Variants in PLBD2 observed in about 807,000 individuals in gnomAD.
PLBD2 encodes putative aminopeptidase PLBD2.
PLBD2 carries 51 observed loss-of-function variants against 68.3 expected under a neutral mutation model. That is an observed-to-expected ratio of 0.75 (90% CI 0.60 to 0.94). The LOEUF (loss-of-function observed/expected upper bound fraction) is 0.94, where lower values mean the gene tolerates loss of function less well. Ranked by LOEUF, PLBD2 falls within the 40% of genes least tolerant of loss-of-function variation. The probability of loss-of-function intolerance (pLI) is 0.00; values close to 1 mark genes in which losing one functional copy is unlikely to be tolerated. For synonymous variants in PLBD2, 314 were observed against 339.3 expected (o/e 0.93, Z 0.82); for missense variants, 729 against 792.2 (o/e 0.92, Z 0.96).
Position 113,388,665 on chromosome 12 carries a change from C to T in PLBD2, c.*39C>T, listed in dbSNP as rs896660220. 16 of 1,522,384 alleles carry T rather than the reference C, an allele frequency of 1.1e-5. No individual in the cohort carries two copies. Among genetic ancestry groups the T allele is most frequent in the Non-Finnish European group, 1.4e-5 (16 of 1,133,560 alleles). 94.3% of individuals were successfully genotyped at this position (1,522,384 alleles called of 1,614,324 possible). On this transcript the variant is annotated 3_prime_UTR_variant, in exon 12 of 12. Transcript: ENST00000280800. ...CTCTGCTGCTTTCGCCCCTGCTGACCCTCGTCAGGGTCACCCCCGTCCCAA... is the reference window on the plus strand; with the variant it reads ...CTCTGCTGCTTTCGCCCCTGCTGACTCTCGTCAGGGTCACCCCCGTCCCAA...
At chr12:113,382,835 T>TTTTTTTTTTGTGTGTGTGTGTGTG (rs1335785271) in intron 6 of PLBD2, among the ~76,000 whole-genome samples, 4 of 106,608 alleles carry the variant, frequency 3.8e-5, no homozygotes, top group African/African-American at 1.1e-4. Context: ...TGGTGGTTTT[T>TTTTTTTTTTGTGTGTGTGTGTGTG]TGTGTGTGTG....
chr12:113,362,292 A>C (rs367983428), intron 1 of PLBD2, among the ~76,000 whole-genome samples: 5 of 151,518 alleles, frequency 3.3e-5, no homozygotes, highest in Middle Eastern at 3.2e-3. Flanking sequence ...GTGCCACTGC[A>C]CTCCAGCCTG....
chr12:113,382,314 A>G (rs1957498508), intron 6 of PLBD2, among the ~76,000 whole-genome samples: 1 of 152,240 alleles, frequency 6.6e-6, no homozygotes, highest in South Asian at 2.1e-4. Flanking sequence ...TGCATGAATG[A>G]TACTTTAAGG....
Position 113,389,141 on chromosome 12 carries a change from C to G in PLBD2, c.*515C>G, listed in dbSNP as rs777357763. On this transcript the variant is annotated 3_prime_UTR_variant, in exon 12 of 12. Coordinates refer to ENST00000280800, the MANE Select transcript of PLBD2 (RefSeq NM_173542.4). ...CTGCTCCCTCAGGAAGCAGTCCCCT[C>G]GTCTCCCTTTCTGGGCAGCTTCCTT... 6.5e-6 allele frequency: 1 copy of G among 152,792 alleles called. No individual in the cohort carries two copies. The highest frequency in any genetic ancestry group is 6.5e-5 in the Admixed American group (1 of 15,292). The allele number at this position is 152,792 out of a possible 1,614,324, so 9.5% of individuals were successfully genotyped here.
At position 113,380,389 on chromosome 12, in the gene PLBD2, C is replaced by T. The variant is rs2136917762; in HGVS notation, c.860-356C>T. 1.3e-5 allele frequency among the ~76,000 whole-genome samples: 2 copies of T among 152,320 alleles called. 1 individual carries two copies. The highest frequency in any genetic ancestry group is 4.1e-4 in the South Asian group (2 of 4,826). On this transcript the variant is annotated intron_variant, in intron 5 of 11. Coordinates refer to ENST00000280800, the MANE Select transcript of PLBD2 (RefSeq NM_173542.4). ...TGACCTCGTGATCCGCCTGCCTTGGCCTCCCAAAGTGCAGGGATTACAGGT... is the reference window on the plus strand; with the variant it reads ...TGACCTCGTGATCCGCCTGCCTTGGTCTCCCAAAGTGCAGGGATTACAGGT...
chr12:113,373,753 A>T (rs577176076), intron 3 of PLBD2, among the ~76,000 whole-genome samples: 108 of 133,620 alleles, frequency 8.1e-4, no homozygotes, highest in African/African-American at 2.8e-3. Flanking sequence ...CTACATATCT[A>T]TCCATTCGCT....
intron 9 of PLBD2, among the ~76,000 whole-genome samples, chr12:113,385,549 G>A (rs1259351021): frequency 6.6e-6 from 1 of 152,194 alleles, no homozygotes; most frequent in African/African-American, 2.4e-5. Context: ...GTCTCTGACT[G>A]GATCTGCCTT....
rs1957539003 is a variant in PLBD2 at position 113,385,200 on chromosome 12, TCTC to T, written c.1215-11_1215-9del. On this transcript the variant is annotated splice_polypyrimidine_tract_variant and intron_variant, in intron 8 of 11. Transcript: ENST00000280800. ...CTGATCACCTCCACCCCATCTCTCT[TCTC>T]GGTCTCAGCGGCATGGTGGTGGTGG... 6.2e-7 allele frequency: 1 copy of T among 1,613,956 alleles called. No homozygotes were observed. Among genetic ancestry groups the T allele is most frequent in the Non-Finnish European group, 8.5e-7 (1 of 1,179,920 alleles).
intron 6 of PLBD2, among the ~76,000 whole-genome samples, chr12:113,382,195 T>C (rs1957497482): frequency 6.6e-6 from 1 of 152,202 alleles, no homozygotes; most frequent in African/African-American, 2.4e-5. Flanking sequence ...GAAATATGGT[T>C]ATCAAAATAT....
intron 9 of PLBD2, among the ~76,000 whole-genome samples, chr12:113,385,496 G>A (rs1322810072): frequency 1.3e-5 from 2 of 152,228 alleles, no homozygotes; most frequent in Non-Finnish European, 2.9e-5. Flanking sequence ...CCCAGAGCAG[G>A]GTGGTGTGGG....
At chr12:113,367,066 A>C (rs961318338) in intron 1 of PLBD2, among the ~76,000 whole-genome samples, 9 of 152,144 alleles carry the variant, frequency 5.9e-5, no homozygotes, top group African/African-American at 9.7e-5. Flanking sequence ...TTGGCCAGCC[A>C]AAGTGCTGGG....
intron 1 of PLBD2, among the ~76,000 whole-genome samples, chr12:113,364,825 T>C (rs748103667): frequency 7.9e-5 from 12 of 152,070 alleles, no homozygotes; most frequent in Non-Finnish European, 1.5e-4. Context: ...TCCTGGCACA[T>C]GCCACAGCAG....
At chr12:113,385,079 TG>T in intron 8 of PLBD2, 132 bp from the exon 9 acceptor site, 2 of 1,295,526 alleles carry the variant, frequency 1.5e-6, no homozygotes, top group Non-Finnish European at 1.1e-6. Context: ...AAGGTGTCCC[TG>T]GTGGGGGCTG....
rs571493293 is a variant in PLBD2 at position 113,377,889 on chromosome 12, A to G, written c.860-2856A>G. Among the ~76,000 whole-genome samples, 173 of 152,376 alleles carry G rather than the reference A, an allele frequency of 1.1e-3. 1 individual carries two copies. The highest frequency in any genetic ancestry group is 2.0e-3 in the Non-Finnish European group (138 of 68,040). On this transcript the variant is annotated intron_variant, in intron 5 of 11. Coordinates refer to ENST00000280800, the MANE Select transcript of PLBD2 (RefSeq NM_173542.4). ...TGTATAAGTCATACAGGTATGTTAT[A>G]GAACATTGGAGAATCCACCAAAACA...
chr12:113,380,058 A>G (rs147927392), intron 5 of PLBD2, among the ~76,000 whole-genome samples: 30 of 152,334 alleles, frequency 2.0e-4, no homozygotes, highest in African/African-American at 7.0e-4. Context: ...TGTAAGACCT[A>G]ATACAATGCT....
intron 1 of PLBD2, among the ~76,000 whole-genome samples, chr12:113,362,648 T>G (rs1423185092): frequency 6.6e-6 from 1 of 152,012 alleles, no homozygotes; most frequent in African/African-American, 2.4e-5. Context: ...CTTTTAATTT[T>G]TGTCAAGCAA....
At chr12:113,363,430 C>CAAACA (rs988786272) in intron 1 of PLBD2, among the ~76,000 whole-genome samples, 7 of 151,514 alleles carry the variant, frequency 4.6e-5, no homozygotes, top group Admixed American at 6.6e-5. Context: ...GACCCTATCT[C>CAAACA]AAACAAAACA....
At chr12:113,382,835 T>TTTTGTGTGTGTG (rs1335785271) in intron 6 of PLBD2, among the ~76,000 whole-genome samples, 2 of 106,536 alleles carry the variant, frequency 1.9e-5, no homozygotes, top group Admixed American at 1.1e-4. Flanking sequence ...TGGTGGTTTT[T>TTTTGTGTGTGTG]TGTGTGTGTG....
At chr12:113,381,250 C>G (rs546718004) in intron 6 of PLBD2, among the ~76,000 whole-genome samples, 37 of 152,106 alleles carry the variant, frequency 2.4e-4, no homozygotes, top group African/African-American at 8.2e-4. Context: ...CCCCCGCCCC[C>G]CCCACATCCC....
Sources: allele counts gnomAD v4.1 joint callset (sites outside exome capture counted in the v4.1 genomes callset), GRCh38; gene constraint gnomAD v4.1.1; transcripts MANE v1.5; gene names NCBI Gene and HGNC (gene_info 2026-07-23, HGNC 2026-07-21).